LRP1B: variants seen among roughly 807,000 people sequenced by gnomAD.
LRP1B encodes LDL receptor related protein 1B, also known as low-density lipoprotein receptor-related protein 1B.
A neutral mutation model predicts 556.6 loss-of-function variants in LRP1B; 217 were observed. That is an observed-to-expected ratio of 0.39 (90% CI 0.35 to 0.44). The LOEUF is 0.44. Ranked by LOEUF, LRP1B falls within the 20% of genes least tolerant of loss-of-function variation. LRP1B has a pLI of 1.00. For synonymous variants in LRP1B, 2,047 were observed against 1,865.8 expected (o/e 1.10, Z -2.50); for missense variants, 5,053 against 5,620.8 (o/e 0.90, Z 3.23).
At chr2:140,516,748 C>T in intron 50 of LRP1B, 141 bp downstream of exon 50, 7 of 759,100 alleles carry the variant, frequency 9.2e-6, no homozygotes, top group Admixed American at 3.2e-5. Flanking sequence ...TAATCTTTAC[C>T]ATTTTTGTAT....
chr2:140,366,433 C>T (rs752330197), intron 71 of LRP1B, among the ~76,000 whole-genome samples: 7 of 151,546 alleles, frequency 4.6e-5, no homozygotes, highest in East Asian at 1.9e-4. Context: ...GTGGTGATGT[C>T]GAGCAAGCTG....
At chr2:140,867,909 G>T in intron 26 of LRP1B, 75 bp from the exon 27 acceptor site, 1 of 1,406,696 alleles carries the variant, frequency 7.1e-7, no homozygotes, top group Non-Finnish European at 9.5e-7. Context: ...ATGTAACTCA[G>T]CTAAATGACA....
chr2:140,978,509 G>C (rs948488957), intron 18 of LRP1B, among the ~76,000 whole-genome samples: 3 of 152,148 alleles, frequency 2.0e-5, no homozygotes, highest in Non-Finnish European at 4.4e-5. Context: ...AATATGGCCA[G>C]TATGAATTTT....
intron 6 of LRP1B, among the ~76,000 whole-genome samples, chr2:141,215,898 T>C (rs1444862038): frequency 6.6e-6 from 1 of 152,224 alleles, no homozygotes; most frequent in Non-Finnish European, 1.5e-5. Flanking sequence ...GTTTGCAGCT[T>C]GGCCATGTGA....
intron 2 of LRP1B, among the ~76,000 whole-genome samples, chr2:141,587,472 C>T (rs113268661): frequency 7.2e-5 from 11 of 152,240 alleles, no homozygotes; most frequent in African/African-American, 2.6e-4. Flanking sequence ...CATTAAATAG[C>T]AACTAGAACT....
At chr2:142,031,789 T>A (rs1330405602) in intron 1 of LRP1B, among the ~76,000 whole-genome samples, 1 of 151,760 alleles carries the variant, frequency 6.6e-6, no homozygotes, top group African/African-American at 2.4e-5. Context: ...TCTCTCAGAA[T>A]CTGATCTTAT....
chr2:141,536,375 A>T (rs192917016), intron 2 of LRP1B, among the ~76,000 whole-genome samples: 17 of 152,168 alleles, frequency 1.1e-4, no homozygotes, highest in African/African-American at 3.8e-4. Flanking sequence ...TTGTTATTAA[A>T]TTGACCCTCC....
chr2:140,412,887 A>C (rs1385144721), intron 66 of LRP1B, among the ~76,000 whole-genome samples: 1 of 152,108 alleles, frequency 6.6e-6, no homozygotes, highest in Non-Finnish European at 1.5e-5. Context: ...AATTTCAAAA[A>C]ATTCATGAAC....
chr2:142,031,282 A>G (rs1325109917), intron 1 of LRP1B, among the ~76,000 whole-genome samples: 1 of 150,810 alleles, frequency 6.6e-6, no homozygotes, highest in Admixed American at 6.6e-5. Flanking sequence ...GCTGAACTCA[A>G]TATATCTGGT....
At chr2:140,372,257 A>G (rs1456445882) in intron 69 of LRP1B, among the ~76,000 whole-genome samples, 1 of 152,054 alleles carries the variant, frequency 6.6e-6, no homozygotes, top group African/African-American at 2.4e-5. Context: ...GAGTCTAATA[A>G]CATGTCTGTA....
chr2:141,005,544 A>T (rs968499925), intron 14 of LRP1B, 87 bp from the exon 15 acceptor site: 1 of 1,156,444 alleles, frequency 8.6e-7, no homozygotes, highest in South Asian at 1.4e-5. Flanking sequence ...ACATACACTT[A>T]TATATGCTAT....
rs535510290 is a variant in LRP1B at position 141,589,588 on chromosome 2, G to A, written c.206-109055C>T. On this transcript the variant is annotated intron_variant, in intron 2 of 90. Coordinates refer to ENST00000389484, the MANE Select transcript of LRP1B (RefSeq NM_018557.3). ...GGTTTGGTAACCAAATAACACACTT[G>A]TTAAAATTGTCAGTAAAATAAGATT... Among the ~76,000 whole-genome samples the A allele has an allele frequency of 2.6e-5, 4 of 152,234 alleles. No homozygotes were observed. The South Asian group carries it at 8.3e-4, about 32-fold the overall frequency.
intron 2 of LRP1B, among the ~76,000 whole-genome samples, chr2:141,585,468 T>TGTGTGA (rs1491458090): frequency 4.3e-5 from 6 of 138,942 alleles, no homozygotes; most frequent in African/African-American, 1.4e-4. Flanking sequence ...TGTGTGTGTG[T>TGTGTGA]GATGGGGTGG....
intron 32 of LRP1B, among the ~76,000 whole-genome samples, chr2:140,797,315 C>T (rs1161977574): frequency 6.6e-6 from 1 of 151,894 alleles, no homozygotes; most frequent in Non-Finnish European, 1.5e-5. Context: ...TGCTATATTC[C>T]ATAAACATAA....
In LRP1B at chr2:140,548,186, G is replaced by A. The variant is rs115556749; in HGVS notation, c.7195-6215C>T. The stretch of plus-strand genomic sequence containing the variant: ...AAATTGTATTCAGATATGAAGAGAC[G>A]GGCTTGGAGAGATTTTGCAACTTGC... On this transcript the variant is annotated intron_variant, in intron 43 of 90. Coordinates refer to ENST00000389484, the MANE Select transcript of LRP1B (RefSeq NM_018557.3). Among the ~76,000 whole-genome samples, 1,269 of 152,158 alleles carry A rather than the reference G, an allele frequency of 8.3e-3. 20 individuals are homozygous for A. Among genetic ancestry groups the A allele is most frequent in the African/African-American group, 0.03 (1,237 of 41,524 alleles).
intron 86 of LRP1B, among the ~76,000 whole-genome samples, chr2:140,254,078 A>C (rs1681569172): frequency 6.6e-6 from 1 of 152,288 alleles, no homozygotes; most frequent in Non-Finnish European, 1.5e-5. Flanking sequence ...TTTCTTCTAC[A>C]AAAACCCAAC....
intron 2 of LRP1B, among the ~76,000 whole-genome samples, chr2:141,681,288 G>T (rs556284341): frequency 6.6e-6 from 1 of 151,736 alleles, no homozygotes; most frequent in East Asian, 1.9e-4. Flanking sequence ...GCAAGAGCTC[G>T]TCTCAAAAAA....
At chr2:140,299,856 AAAAC>A (rs1466914522) in intron 83 of LRP1B, among the ~76,000 whole-genome samples, 2 of 152,202 alleles carry the variant, frequency 1.3e-5, no homozygotes, top group South Asian at 2.1e-4. Context: ...GTAAAGTACA[AAAAC>A]AAAGTACATT....
chr2:140,565,421 T>A (rs1681090435), intron 43 of LRP1B, among the ~76,000 whole-genome samples: 1 of 152,062 alleles, frequency 6.6e-6, no homozygotes, highest in Non-Finnish European at 1.5e-5. Flanking sequence ...TACTTTTCTA[T>A]ATTAATATTC....
Sources: gnomAD v4.1 joint callset for allele counts (sites outside exome capture counted in the v4.1 genomes callset) on GRCh38, gnomAD v4.1.1 for gene constraint, MANE v1.5 for transcripts, NCBI Gene and HGNC (gene_info 2026-07-23, HGNC 2026-07-21) for gene names.